KCTD16: variants seen among roughly 807,000 people sequenced by gnomAD.
The protein encoded by KCTD16 is BTB/POZ domain-containing protein KCTD16.
In KCTD16, 13 loss-of-function variants were observed where a neutral mutation model predicts 33.2. That is an observed-to-expected ratio of 0.39 (90% CI 0.25 to 0.62). The LOEUF (loss-of-function observed/expected upper bound fraction) is 0.62. KCTD16 is among the 20% of genes least tolerant of loss of function. KCTD16 has a pLI of 0.50. For synonymous variants in KCTD16, 197 were observed against 195.3 expected, an observed-to-expected ratio of 1.01 and a Z score of -0.07; for missense variants, 441 against 525.1, an observed-to-expected ratio of 0.84 and a Z score of 1.57.
chr5:144,433,999 A>G (rs1327601139), intron 3 of KCTD16, among the ~76,000 whole-genome samples: 1 of 152,080 alleles, frequency 6.6e-6, no homozygotes, highest in Non-Finnish European at 1.5e-5. Context: ...CCACACACCA[A>G]CTTCACCAGC....
At chr5:144,452,924 G>A (rs1422011) in intron 3 of KCTD16, among the ~76,000 whole-genome samples, 12,502 of 152,106 alleles carry the variant, frequency 0.082, 1,698 homozygotes, top group African/African-American at 0.28. Context: ...GAAACAATAC[G>A]GGTACCCTCA....
At chr5:144,174,887 C>A (rs377206589) in intron 2 of KCTD16, among the ~76,000 whole-genome samples, 1 of 152,172 alleles carries the variant, frequency 6.6e-6, no homozygotes, top group South Asian at 2.1e-4. Flanking sequence ...AAAATACCCT[C>A]TTCAGTAACA....
intron 3 of KCTD16, among the ~76,000 whole-genome samples, chr5:144,326,738 C>CCAG (rs151234780): frequency 0.083 from 12,552 of 151,870 alleles, 1,251 homozygotes; most frequent in African/African-American, 0.23. Context: ...AAAGAAAAAT[C>CCAG]CAGTTCCTTT....
intron 3 of KCTD16, among the ~76,000 whole-genome samples, chr5:144,465,184 C>CCA (rs1561618126): frequency 1.9e-5 from 2 of 102,670 alleles, no homozygotes; most frequent in East Asian, 5.1e-4. Flanking sequence ...CTCTCTCTCC[C>CCA]CCCCCTCTCT....
chr5:144,372,508 G>A (rs185605757), intron 3 of KCTD16, among the ~76,000 whole-genome samples: 4 of 152,268 alleles, frequency 2.6e-5, no homozygotes, highest in Admixed American at 2.0e-4. Context: ...TAATATAATG[G>A]TGGATGTTTT....
intron 3 of KCTD16, among the ~76,000 whole-genome samples, chr5:144,449,583 A>C (rs1227487608): frequency 3.3e-5 from 5 of 152,010 alleles, no homozygotes. Flanking sequence ...TATGGAAAAC[A>C]AACAAAATAT....
chr5:144,345,810 A>G (rs1183789045), intron 3 of KCTD16, among the ~76,000 whole-genome samples: 3 of 152,212 alleles, frequency 2.0e-5, no homozygotes, highest in African/African-American at 7.2e-5. Context: ...CATGGGGAAT[A>G]GGGTAACCAT....
intron 2 of KCTD16, among the ~76,000 whole-genome samples, chr5:144,175,222 G>C (rs1163545463): frequency 2.6e-5 from 4 of 152,162 alleles, no homozygotes; most frequent in Non-Finnish European, 4.4e-5. Context: ...GCCATGTAAT[G>C]CCCATTTGAC....
At chr5:144,173,398 A>G (rs1382553146) in intron 1 of KCTD16, among the ~76,000 whole-genome samples, 1 of 152,186 alleles carries the variant, frequency 6.6e-6, no homozygotes, top group Non-Finnish European at 1.5e-5. Context: ...ACCAGATACC[A>G]CATATTCTCC....
At chr5:144,265,524 A>C (rs1281925653) in intron 3 of KCTD16, among the ~76,000 whole-genome samples, 1 of 152,224 alleles carries the variant, frequency 6.6e-6, no homozygotes, top group Non-Finnish European at 1.5e-5. Flanking sequence ...ACTCCTGCCC[A>C]TGCCTCTGGC....
intron 2 of KCTD16, among the ~76,000 whole-genome samples, chr5:144,200,247 TACAG>T (rs543028497): frequency 1.8e-3 from 270 of 152,272 alleles, no homozygotes; most frequent in African/African-American, 6.1e-3. Flanking sequence ...ACAATGGTGA[TACAG>T]ACAGCTTTTG....
At chr5:144,387,693 G>A (rs891472726) in intron 3 of KCTD16, among the ~76,000 whole-genome samples, 4 of 152,170 alleles carry the variant, frequency 2.6e-5, no homozygotes, top group African/African-American at 9.7e-5. Flanking sequence ...GAGAATTTAT[G>A]TCACTTACAT....
Position 144,206,880 on chromosome 5 carries a change from TC to T in KCTD16, c.170del (p.Pro57GlnfsTer9). 6.2e-7 allele frequency: 1 copy of T among 1,614,128 alleles called. No individual in the cohort carries two copies. Among genetic ancestry groups the T allele is most frequent in the Non-Finnish European group, 8.5e-7 (1 of 1,180,020 alleles). ...IPHSLLWKMF[S>X]PKRDTANDLA... ...TCATTCCCTCCTGTGGAAAATGTTT[TC>T]CCCAAAGAGAGACACGGCTAATGAT... is the stretch of plus-strand genomic sequence containing the variant. On this transcript the variant is annotated frameshift_variant, in exon 3 of 4. Coordinates refer to ENST00000512467, the MANE Select transcript of KCTD16 (RefSeq NM_020768.4). LOFTEE classifies it high-confidence loss of function.
intron 3 of KCTD16, among the ~76,000 whole-genome samples, chr5:144,224,214 T>C (rs914997972): frequency 1.3e-5 from 2 of 152,130 alleles, no homozygotes; most frequent in Non-Finnish European, 2.9e-5. Context: ...TTTACATTTT[T>C]TTTTATAACA....
chr5:144,424,625 G>A (rs1444957513), intron 3 of KCTD16, among the ~76,000 whole-genome samples: 1 of 152,146 alleles, frequency 6.6e-6, no homozygotes, highest in South Asian at 2.1e-4. Context: ...TTGGCTCATC[G>A]TTCTAGAGGC....
intron 3 of KCTD16, among the ~76,000 whole-genome samples, chr5:144,458,733 A>G (rs1754128363): frequency 6.6e-6 from 1 of 152,162 alleles, no homozygotes; most frequent in Non-Finnish European, 1.5e-5. Context: ...GTTTTTAATA[A>G]TGTTTGAGCT....
Position 144,476,714 on chromosome 5 carries a change from G to A in KCTD16, c.*2600G>A, listed in dbSNP as rs558078674. 6.6e-6 allele frequency: 1 copy of A among 152,202 alleles called. No individual in the cohort carries two copies. The highest frequency in any genetic ancestry group is 2.4e-5 in the African/African-American group (1 of 41,530). The allele number at this position is 152,202 out of a possible 1,614,324, so 9.4% of individuals were successfully genotyped here. ...GCTCTGAGGAGGCTTAAAGTACCTA[G>A]TTTGAGTGGAGTTATCAAGTGAGGT... On this transcript the variant is annotated 3_prime_UTR_variant, in exon 4 of 4. Transcript: ENST00000512467.
At chr5:144,289,710 T>A (rs923388216) in intron 3 of KCTD16, among the ~76,000 whole-genome samples, 19 of 152,136 alleles carry the variant, frequency 1.2e-4, no homozygotes, top group Non-Finnish European at 7.3e-5. Context: ...GAATAACCTA[T>A]CTATTTCAAT....
At chr5:144,312,588 C>T (rs1751795303) in intron 3 of KCTD16, among the ~76,000 whole-genome samples, 1 of 152,166 alleles carries the variant, frequency 6.6e-6, no homozygotes, top group Admixed American at 6.5e-5. Context: ...GGTCTCAAAA[C>T]TGAATGCCAC....
Sources: gnomAD v4.1 joint callset for allele counts (sites outside exome capture counted in the v4.1 genomes callset) on GRCh38, gnomAD v4.1.1 for gene constraint, MANE v1.5 for transcripts, NCBI Gene and HGNC (gene_info 2026-07-23, HGNC 2026-07-21) for gene names.